PRDM5: variants seen among roughly 807,000 people sequenced by gnomAD.
The protein encoded by PRDM5 is PR domain zinc finger protein 5.
PRDM5 carries 56 observed loss-of-function variants against 81.2 expected under a neutral mutation model. The observed-to-expected ratio is 0.69, with a 90% CI of 0.56 to 0.86. The LOEUF is 0.86. Among genes scored for constraint, PRDM5 ranks in the 40% least tolerant of loss-of-function variants. The pLI is 0.00. For synonymous variants in PRDM5, 267 were observed against 256.4 expected, an observed-to-expected ratio of 1.04 and a Z score of -0.39; for missense variants, 697 against 770.1, an observed-to-expected ratio of 0.91 and a Z score of 1.12.
At chr4:120,767,325 A>G (rs966077497) in intron 13 of PRDM5, among the ~76,000 whole-genome samples, 6 of 152,234 alleles carry the variant, frequency 3.9e-5, no homozygotes, top group Non-Finnish European at 8.8e-5. Flanking sequence ...CCATAAAAGA[A>G]TACTGTCACT....
At chr4:120,789,567 C>T (rs978361310) in intron 10 of PRDM5, among the ~76,000 whole-genome samples, 3 of 151,996 alleles carry the variant, frequency 2.0e-5, no homozygotes, top group Non-Finnish European at 4.4e-5. Flanking sequence ...TTTGCTAGAA[C>T]GATTATTTTT....
intron 10 of PRDM5, among the ~76,000 whole-genome samples, chr4:120,790,942 AAAAC>A (rs1310740814): frequency 6.7e-6 from 1 of 150,352 alleles, no homozygotes; most frequent in Non-Finnish European, 1.5e-5. Context: ...GACCTTGTCA[AAAAC>A]AAACAAACAA....
intron 14 of PRDM5, among the ~76,000 whole-genome samples, chr4:120,728,060 C>A (rs774446845): frequency 7.9e-5 from 12 of 152,046 alleles, no homozygotes; most frequent in Non-Finnish European, 1.5e-4. Context: ...CACAGCTTAG[C>A]CTGGCCCAAC....
At chr4:120,780,081 T>C (rs1044857522) in intron 12 of PRDM5, among the ~76,000 whole-genome samples, 3 of 151,024 alleles carry the variant, frequency 2.0e-5, no homozygotes, top group South Asian at 2.1e-4. Flanking sequence ...AGATAGATAC[T>C]GAAACAGGAG....
chr4:120,759,462 T>C (rs1745287694), intron 13 of PRDM5, among the ~76,000 whole-genome samples: 1 of 152,216 alleles, frequency 6.6e-6, no homozygotes. Flanking sequence ...ACCTGAAGGT[T>C]ACCTGTACAG....
chr4:120,807,204 G>A (rs1375167316), intron 8 of PRDM5, among the ~76,000 whole-genome samples: 2 of 152,204 alleles, frequency 1.3e-5, no homozygotes, highest in African/African-American at 4.8e-5. Context: ...AGAACAACAG[G>A]TGCTGGAGAG....
At chr4:120,900,491 G>A (rs1352488756) in intron 2 of PRDM5, among the ~76,000 whole-genome samples, 1 of 152,078 alleles carries the variant, frequency 6.6e-6, no homozygotes, top group African/African-American at 2.4e-5. Context: ...TCTTCATCTG[G>A]TTCCTATCTG....
intron 14 of PRDM5, among the ~76,000 whole-genome samples, chr4:120,714,668 C>A (rs918724529): frequency 1.3e-5 from 2 of 152,096 alleles, no homozygotes; most frequent in Non-Finnish European, 2.9e-5. Context: ...CTGTCTCCTG[C>A]TCGTGGCTTT....
At chr4:120,690,814 T>C (rs1462801139), downstream of PRDM5, among the ~76,000 whole-genome samples, 1 of 152,150 alleles carries the variant, frequency 6.6e-6, no homozygotes, top group East Asian at 1.9e-4. Context: ...TTGTTTGAAC[T>C]GTTTTGCATT....
chr4:120,866,513 A>G (rs1171414620), intron 2 of PRDM5, among the ~76,000 whole-genome samples: 2 of 152,240 alleles, frequency 1.3e-5, no homozygotes, highest in African/African-American at 2.4e-5. Flanking sequence ...GCACTTTGTT[A>G]AACACCTTTA....
intron 10 of PRDM5, among the ~76,000 whole-genome samples, chr4:120,796,887 T>C (rs759753921): frequency 2.6e-5 from 4 of 152,164 alleles, no homozygotes; most frequent in Non-Finnish European, 1.5e-5. Context: ...TTTTAAAAGA[T>C]CATATACATG....
At chr4:120,890,726 T>A (rs1364532586) in intron 2 of PRDM5, among the ~76,000 whole-genome samples, 4 of 152,226 alleles carry the variant, frequency 2.6e-5, no homozygotes, top group African/African-American at 7.2e-5. Context: ...TGATTAGTGA[T>A]GTTGAGCATT....
At chr4:120,879,627 C>T (rs1010663905) in intron 2 of PRDM5, among the ~76,000 whole-genome samples, 2 of 152,146 alleles carry the variant, frequency 1.3e-5, no homozygotes, top group Admixed American at 1.3e-4. Context: ...GAATACTGTA[C>T]ATAATACACA....
intron 2 of PRDM5, among the ~76,000 whole-genome samples, chr4:120,883,648 G>T (rs990295041): frequency 6.6e-6 from 1 of 151,298 alleles, no homozygotes; most frequent in Non-Finnish European, 1.5e-5. Flanking sequence ...GAGTTGATGG[G>T]TGCAGCACAC....
intron 12 of PRDM5, 127 bp from the exon 13 acceptor site, chr4:120,777,408 C>T: frequency 2.0e-6 from 3 of 1,492,128 alleles, no homozygotes; most frequent in Non-Finnish European, 2.7e-6. Context: ...TTTAATTTCA[C>T]AATGAGATTT....
chr4:120,734,801 C>G (rs865885223), intron 14 of PRDM5, among the ~76,000 whole-genome samples: 31 of 152,346 alleles, frequency 2.0e-4, no homozygotes, highest in African/African-American at 7.2e-4. Flanking sequence ...TTTCTTCCGA[C>G]ACCTTTCCTT....
chr4:120,879,126 C>A (rs752505026), intron 2 of PRDM5, among the ~76,000 whole-genome samples: 4 of 152,112 alleles, frequency 2.6e-5, no homozygotes, highest in Non-Finnish European at 4.4e-5. Context: ...AATTACTAAA[C>A]TTTAGAAGCA....
intron 14 of PRDM5, among the ~76,000 whole-genome samples, chr4:120,712,032 T>G (rs969554819): frequency 3.9e-4 from 60 of 152,174 alleles, no homozygotes; most frequent in Admixed American, 3.3e-3. Context: ...ATGCCTGTAA[T>G]CCTAGCACTT....
In PRDM5 at chr4:120,873,591, T is replaced by A. The variant is rs1396709248; in HGVS notation, c.178-20051A>T. ...TCAAACATTTCACTCAAATCAAAAG[T>A]CATTATATCTATTGGACTCTCCTGG... On this transcript the variant is annotated intron_variant, in intron 2 of 15. Transcript: ENST00000264808. 2.0e-5 allele frequency among the ~76,000 whole-genome samples: 3 copies of A among 152,310 alleles called. No individual in the cohort carries two copies. In the South Asian group the frequency reaches 6.2e-4, roughly 32 times the overall value.
Sources: gnomAD v4.1 joint callset for allele counts (sites outside exome capture counted in the v4.1 genomes callset) on GRCh38, gnomAD v4.1.1 for gene constraint, MANE v1.5 for transcripts, NCBI Gene and HGNC (gene_info 2026-07-23, HGNC 2026-07-21) for gene names.